The following CAMSAP3 variants were observed in gnomAD, a reference collection of about 807,000 sequenced individuals.
CAMSAP3 encodes the protein calmodulin regulated spectrin associated protein family member 3.
In CAMSAP3, 34 loss-of-function variants were observed where a neutral mutation model predicts 112.5. The observed-to-expected ratio is 0.30, with a 90% confidence interval of 0.23 to 0.40. The LOEUF (loss-of-function observed/expected upper bound fraction) is 0.40, where lower values mean the gene tolerates loss of function less well. Ranked by LOEUF, CAMSAP3 falls within the 10% of genes least tolerant of loss-of-function variation. CAMSAP3 has a pLI of 1.00. For synonymous variants in CAMSAP3, 868 were observed against 799.8 expected (o/e 1.09, Z -1.44); for missense variants, 1,602 against 1,770.3 (o/e 0.90, Z 1.71).
In CAMSAP3 at chr19:7,611,704, C is replaced by A. The variant is rs2030496747; in HGVS notation, c.1211C>A (p.Ala404Asp). Residue 404 changes from alanine (A) to aspartate (D), a missense_variant, in exon 11 of 17, where the codon GCT becomes GAT. By Grantham distance (126) the Ala-to-Asp change is moderately radical (BLOSUM62 -2). Transcript: ENST00000160298. The surrounding 1 kb of genome is among the most constrained non-coding windows in gnomAD (Gnocchi z 6.9). ...CCGCCCAGCCGTCCCCTCTCCCAGG[C>A]TGTGTCATTCAGCACCCCCTTTGGC... ...NRQLSRPLSQAVSFSTPFGLD... is the reference protein window; with the variant it reads ...NRQLSRPLSQDVSFSTPFGLD... 3.8e-6 allele frequency: 6 copies of A among 1,560,700 alleles called. No individual in the cohort carries two copies. Among genetic ancestry groups the A allele is most frequent in the Non-Finnish European group, 5.2e-6 (6 of 1,150,652 alleles).
At chr19:7,608,012 C>T (rs1256911987) in intron 4 of CAMSAP3, 114 bp from the exon 5 acceptor site, 4 of 1,324,700 alleles carry the variant, frequency 3.0e-6, no homozygotes, top group African/African-American at 1.5e-5. Flanking sequence ...TCTCTGGGAC[C>T]CCCAGCTTCC....
rs371424762 is a variant in CAMSAP3 at position 7,608,160 on chromosome 19, G to T, written c.656G>T (p.Arg219Leu). The part of the protein sequence containing the change: ...RYRKDRVVAR[R>L]APCFPTVTSL... ...CGCAAGGACCGTGTGGTGGCGCGAC[G>T]TGCCCCCTGCTTCCCGACGGTGACC... The change falls in exon 5 of 17, where the codon CGT becomes CTT. Residue 219 changes from arginine (R) to leucine (L), a missense_variant. Arg to Leu is a moderately radical substitution (Grantham distance 102). Around this residue, in one of 6 missense-constraint regions of CAMSAP3, gnomAD observed 112 missense variants for 94.2 expected, o/e 1.19. Coordinates refer to ENST00000160298, the MANE Select transcript of CAMSAP3 (RefSeq NM_020902.2). 1 of 1,612,136 alleles carries T rather than the reference G, an allele frequency of 6.2e-7. No homozygotes were observed. The highest frequency in any genetic ancestry group is 1.3e-5 in the African/African-American group (1 of 75,038).
Position 7,609,527 on chromosome 19 carries a change from A to G in CAMSAP3, c.761-949A>G, listed in dbSNP as rs370818716. Among the ~76,000 whole-genome samples, 79 of 152,172 alleles carry G rather than the reference A, an allele frequency of 5.2e-4. No homozygotes were observed. The East Asian group carries it at 8.1e-3, about 16-fold the overall frequency. ...TAGAAAGATGCAAAGGCCTAAGGCA[A>G]TAGTCACCAACTTTTTGGCTCCAGG... On this transcript the variant is annotated intron_variant, in intron 5 of 16. Coordinates refer to ENST00000160298, the MANE Select transcript of CAMSAP3 (RefSeq NM_020902.2).
In CAMSAP3 at chr19:7,608,125, G is replaced by C; in HGVS notation, c.622-1G>C. On this transcript the variant is annotated splice_acceptor_variant, in intron 4 of 16. Transcript: ENST00000160298. LOFTEE classifies it high-confidence loss of function. ...TCACCTGACCTGGCTCCCATCTGCA[G>C]ATCCGATACCGCAAGGACCGTGTGG... 6.2e-7 allele frequency: 1 copy of C among 1,610,348 alleles called. No homozygotes were observed. The highest frequency in any genetic ancestry group is 8.5e-7 in the Non-Finnish European group (1 of 1,179,130).
intron 1 of CAMSAP3, among the ~76,000 whole-genome samples, chr19:7,599,944 C>T (rs2029872294): frequency 3.3e-5 from 1 of 30,724 alleles, no homozygotes; most frequent in African/African-American, 1.7e-4. Flanking sequence ...CCAACTCATC[C>T]ACCTACCCAC....
In CAMSAP3 at chr19:7,612,147, G is replaced by A. The variant is rs1408602174; in HGVS notation, c.1654G>A (p.Ala552Thr). 6.2e-7 allele frequency: 1 copy of A among 1,612,436 alleles called. No individual in the cohort carries two copies. The highest frequency in any genetic ancestry group is 8.5e-7 in the Non-Finnish European group (1 of 1,179,804). The stretch of plus-strand genomic sequence containing the variant: ...ATCCGAGGGGTCCCCGAAGGCGGTG[G>A]CTTCGTCCCCAGCAGCCACCAACTC... ...APSEGSPKAV[A>T]SSPAATNSEV... is the part of the protein sequence containing the mutation. The change falls in exon 11 of 17, where the codon GCT becomes ACT. Residue 552 changes from alanine to threonine, a missense_variant. By Grantham distance (58) the Ala-to-Thr change is moderately conservative. This residue lies in a region of CAMSAP3 where 1,100 missense variants were observed against 1,135.7 expected (regional missense o/e 0.97). Transcript: ENST00000160298.
chr19:7,616,934 C>CT (rs545769780), intron 14 of CAMSAP3, among the ~76,000 whole-genome samples: 7,458 of 82,670 alleles, frequency 0.09, 884 homozygotes, highest in East Asian at 0.3. Flanking sequence ...TGTGGCCCGC[C>CT]TTTTTTTTTT....
chr19:7,604,615 C>G (rs1482837545), intron 1 of CAMSAP3, among the ~76,000 whole-genome samples: 1 of 152,112 alleles, frequency 6.6e-6, no homozygotes, highest in Non-Finnish European at 1.5e-5. Flanking sequence ...CCCACCTCCC[C>G]TGCTCGCCTG....
intron 5 of CAMSAP3, among the ~76,000 whole-genome samples, chr19:7,609,317 C>CAA (rs3032314): frequency 5.0e-4 from 49 of 98,138 alleles, no homozygotes; most frequent in East Asian, 1.7e-3. Context: ...GACTCCATCT[C>CAA]AAAAAAAAAA....
intron 1 of CAMSAP3, among the ~76,000 whole-genome samples, chr19:7,596,410 C>T (rs1335878878): frequency 6.6e-6 from 1 of 150,462 alleles, no homozygotes; most frequent in Non-Finnish European, 1.5e-5. Context: ...GGGTCCCCGG[C>T]GTCCAAGCCT....
Position 7,617,509 on chromosome 19 carries a change from G to GCCCCCCCCCCCC in CAMSAP3, c.3326-28_3326-27insCCCCCCCCCCCC. The GCCCCCCCCCCCC allele has an allele frequency of 1.2e-6, 2 of 1,608,446 alleles. No individual in the cohort carries two copies. The highest frequency in any genetic ancestry group is 1.7e-6 in the Non-Finnish European group (2 of 1,175,018). ...TCCACAGCCCCTGCTCATTCCTGCT[G>GCCCCCCCCCCCC]CCCCCCACCCCCTCCCACTGCCTCA... On this transcript the variant is annotated intron_variant, in intron 15 of 16. Transcript: ENST00000160298. This position sits in a 1 kb window ranked among gnomAD's most constrained non-coding sequence, Gnocchi z 7.5.
At position 7,606,590 on chromosome 19, in the gene CAMSAP3, A is replaced by G; in HGVS notation, c.621+19A>G. The G allele has an allele frequency of 2.6e-6, 4 of 1,520,232 alleles. No individual in the cohort carries two copies. Among genetic ancestry groups the G allele is most frequent in the Non-Finnish European group, 3.5e-6 (4 of 1,137,204 alleles). 94.2% of individuals were successfully genotyped at this position (1,520,232 alleles called of 1,614,324 possible). A position where few individuals can be genotyped will look rare whatever the true frequency, so the allele number is the denominator to read the frequency against. On this transcript the variant is annotated intron_variant, in intron 4 of 16. Coordinates refer to ENST00000160298, the MANE Select transcript of CAMSAP3 (RefSeq NM_020902.2). ...GCCCTCGGTGAGGCCAGGGCATAGA[A>G]CCGTCAGAAGGATGGGGGACCGGAG...
chr19:7,611,316 C>CACTGGGGAGGCCAT lies in CAMSAP3; in HGVS notation c.1123+148_1123+149insACTGGGGAGGCCAT. The CACTGGGGAGGCCAT allele has an allele frequency of 1.1e-6, 1 of 916,722 alleles. No individual in the cohort carries two copies. The highest frequency in any genetic ancestry group is 1.7e-6 in the Non-Finnish European group (1 of 595,926). The allele number at this position is 916,722 out of a possible 1,614,324, so 56.8% of individuals were successfully genotyped here. Reference sequence around the variant, plus strand: ...ATCCCAAAGTGACCCCCAGAATGGCCTCCCCAGTGGCCCCACAGTACCCCG... The same window carrying CACTGGGGAGGCCAT: ...ATCCCAAAGTGACCCCCAGAATGGCCACTGGGGAGGCCATTCCCCAGTGGCCCCACAGTACCCCG... On this transcript the variant is annotated intron_variant, in intron 9 of 16. Transcript: ENST00000160298. This position sits in a 1 kb window ranked among gnomAD's most constrained non-coding sequence, Gnocchi z 6.9.
intron 11 of CAMSAP3, among the ~76,000 whole-genome samples, chr19:7,614,133 G>A (rs1229978524): frequency 2.6e-5 from 4 of 151,132 alleles, no homozygotes; most frequent in African/African-American, 7.3e-5. Context: ...GGTGGCGGGC[G>A]CATGTAGTCC....
chr19:7,605,196 C>G (rs763722663), intron 1 of CAMSAP3, 30 bp from the exon 2 acceptor site: 36 of 1,257,676 alleles, frequency 2.9e-5, no homozygotes, highest in Middle Eastern at 2.0e-4. Context: ...GTGACCCTGA[C>G]CCCCGTGTTT....
chr19:7,602,012 C>T (rs985362757), intron 1 of CAMSAP3, among the ~76,000 whole-genome samples: 5 of 151,546 alleles, frequency 3.3e-5, no homozygotes, highest in African/African-American at 7.3e-5. Context: ...CGCAGTGAGC[C>T]GAGATGGCAC....
chr19:7,596,045 A>T lies in CAMSAP3; in HGVS notation c.43A>T (p.Thr15Ser). ...APPGPGPLRR[T>S]FLVPEIKSLD... ...CCCCGGGCCCGGGCCGCTGCGGAGG[A>T]CCTTTCTAGTGCCCGAGATCAAGTC... Residue 15 changes from threonine to serine, a missense_variant, in exon 1 of 17, where the codon ACC (threonine) becomes TCC (serine). Around this residue, in one of 6 missense-constraint regions of CAMSAP3, gnomAD observed 147 missense variants for 144.6 expected, o/e 1.02. Transcript: ENST00000160298. The T allele has an allele frequency of 8.0e-7, 1 of 1,247,920 alleles. No homozygotes were observed. The highest frequency in any genetic ancestry group is 1.0e-6 in the Non-Finnish European group (1 of 969,644). 77.3% of individuals were successfully genotyped at this position (1,247,920 alleles called of 1,614,324 possible).
At position 7,617,166 on chromosome 19, in the gene CAMSAP3, T is replaced by G. The variant is rs1481447543; in HGVS notation, c.3213-160T>G. Among the ~76,000 whole-genome samples, 2 of 151,946 alleles carry G rather than the reference T, an allele frequency of 1.3e-5. No individual in the cohort carries two copies. The highest frequency in any genetic ancestry group is 2.9e-5 in the Non-Finnish European group (2 of 67,962). ...TCCCGACCTCAAGTGATCTGCCCGCTTTGGCCTCCCGAAGTGCTGGGATTA... is the reference window on the plus strand; with the variant it reads ...TCCCGACCTCAAGTGATCTGCCCGCGTTGGCCTCCCGAAGTGCTGGGATTA... On this transcript the variant is annotated intron_variant, in intron 14 of 16. Transcript: ENST00000160298. This position sits in a 1 kb window ranked among gnomAD's most constrained non-coding sequence, Gnocchi z 7.5.
Position 7,617,222 on chromosome 19 carries a change from C to G in CAMSAP3, c.3213-104C>G. The G allele has an allele frequency of 1.6e-4, 128 of 799,360 alleles. No homozygotes were observed. The highest frequency in any genetic ancestry group is 3.4e-4 in the Middle Eastern group (1 of 2,958). 49.5% of individuals were successfully genotyped at this position (799,360 alleles called of 1,614,324 possible). ...ATGAGCCACGATGCCCAGCCGTGGC[C>G]CTTATTTTCCTTGGCCCCTCTGCAC... On this transcript the variant is annotated intron_variant, in intron 14 of 16. Coordinates refer to ENST00000160298, the MANE Select transcript of CAMSAP3 (RefSeq NM_020902.2). The surrounding 1 kb of genome is among the most constrained non-coding windows in gnomAD (Gnocchi z 7.5).
Sources: gnomAD v4.1 joint callset for allele counts (sites outside exome capture counted in the v4.1 genomes callset) on GRCh38, gnomAD v4.1.1 for gene constraint, gnomAD v4.1.1 regional missense constraint, Gnocchi (gnomAD v3.1) non-coding constraint, MANE v1.5 for transcripts, NCBI Gene and HGNC (gene_info 2026-07-23, HGNC 2026-07-21) for gene names.